The following STK38L variants were observed in gnomAD, a reference collection of about 807,000 sequenced individuals.
STK38L encodes the protein serine/threonine-protein kinase 38-like.
A neutral mutation model predicts 59.7 loss-of-function variants in STK38L; 28 were observed. The observed-to-expected ratio is 0.47, with a 90% CI of 0.35 to 0.64. The LOEUF (loss-of-function observed/expected upper bound fraction) is 0.64, where lower values mean the gene tolerates loss of function less well. Ranked by LOEUF, STK38L falls within the 30% of genes least tolerant of loss-of-function variation. The probability of loss-of-function intolerance (pLI) is 0.01; values close to 1 mark genes in which losing one functional copy is unlikely to be tolerated. For missense variants in STK38L, 314 were observed against 555.8 expected (o/e 0.56, Z 4.37); for synonymous variants, 162 against 176.8 (o/e 0.92, Z 0.66).
Position 27,324,224 on chromosome 12 carries a change from T to G in STK38L, c.*1769T>G, listed in dbSNP as rs913641831. 8.8e-6 allele frequency: 1 copy of G among 113,426 alleles called. No homozygotes were observed. Among genetic ancestry groups the G allele is most frequent in the African/African-American group, 3.6e-5 (1 of 28,144 alleles). 7.0% of individuals were successfully genotyped at this position (113,426 alleles called of 1,614,324 possible). ...ATTTTTCTAGTCTGGATTTTTTGAGTATTTAGGAAAGAGAGCTATTAAAAA... is the reference window on the plus strand; with the variant it reads ...ATTTTTCTAGTCTGGATTTTTTGAGGATTTAGGAAAGAGAGCTATTAAAAA... On this transcript the variant is annotated 3_prime_UTR_variant, in exon 14 of 14. Transcript: ENST00000389032.
At chr12:27,295,452 C>A (rs1462194087) in intron 1 of STK38L, among the ~76,000 whole-genome samples, 1 of 152,148 alleles carries the variant, frequency 6.6e-6, no homozygotes, top group Non-Finnish European at 1.5e-5. Flanking sequence ...TGACTTCTAC[C>A]TTCTGTAATT....
In STK38L at chr12:27,287,467, T is replaced by A. The variant is rs1355208597; in HGVS notation, c.-11-10243T>A. Among the ~76,000 whole-genome samples, 6 of 152,330 alleles carry A rather than the reference T, an allele frequency of 3.9e-5. No homozygotes were observed. In the East Asian group the frequency reaches 1.2e-3, roughly 29 times the overall value. On this transcript the variant is annotated intron_variant, in intron 1 of 13. Coordinates refer to ENST00000389032, the MANE Select transcript of STK38L (RefSeq NM_015000.4). ...AGTGTTTTTCTCCAAATTATTCTTT[T>A]AATCTTGTTTGATATACAGTATATA... is the stretch of plus-strand genomic sequence containing the variant.
chr12:27,275,033 T>C (rs941390245), intron 1 of STK38L, among the ~76,000 whole-genome samples: 3 of 152,292 alleles, frequency 2.0e-5, no homozygotes, highest in Non-Finnish European at 2.9e-5. Flanking sequence ...ACAATCTAAA[T>C]TGTAAATTGG....
rs543533353 is a variant in STK38L, at chr12:27,278,009, A to T, written c.-11-19701A>T. On this transcript the variant is annotated intron_variant, in intron 1 of 13. Coordinates refer to ENST00000389032, the MANE Select transcript of STK38L (RefSeq NM_015000.4). ...GGAGGAGGGACTTTTCAGGTCATGT[A>T]TAAGGAGAGTAGGATCAGATTCTGG... Among the ~76,000 whole-genome samples, 7 of 152,326 alleles carry T rather than the reference A, an allele frequency of 4.6e-5. No homozygotes were observed. In the East Asian group the frequency reaches 1.2e-3, roughly 25 times the overall value.
At chr12:27,310,820 A>C (rs1216290706) in intron 5 of STK38L, among the ~76,000 whole-genome samples, 1 of 152,070 alleles carries the variant, frequency 6.6e-6, no homozygotes, top group African/African-American at 2.4e-5. Context: ...GGGGGCGGAA[A>C]TCTCTCCGTA....
chr12:27,265,061 G>T (rs1187816989), intron 1 of STK38L, among the ~76,000 whole-genome samples: 1 of 152,144 alleles, frequency 6.6e-6, no homozygotes, highest in African/African-American at 2.4e-5. Context: ...TTCTTAGTAT[G>T]CATGTTGACT....
chr12:27,257,191 C>A (rs1274550309), intron 1 of STK38L, among the ~76,000 whole-genome samples: 1 of 152,218 alleles, frequency 6.6e-6, no homozygotes, highest in African/African-American at 2.4e-5. Context: ...TGAGCACACT[C>A]TCATCACTAT....
In STK38L at chr12:27,325,386, G is replaced by A. The variant is rs896300946; in HGVS notation, c.*2931G>A. On this transcript the variant is annotated 3_prime_UTR_variant, in exon 14 of 14. Transcript: ENST00000389032. Reference sequence around the variant, plus strand: ...AATCTCTAAATTTAAAATATTTTAAGTACATTTATTTTTGGTGTTTTATTG... The same window carrying A: ...AATCTCTAAATTTAAAATATTTTAAATACATTTATTTTTGGTGTTTTATTG... The A allele has an allele frequency of 6.6e-6, 1 of 152,012 alleles. No homozygotes were observed. The highest frequency in any genetic ancestry group is 2.4e-5 in the African/African-American group (1 of 41,386). The allele number at this position is 152,012 out of a possible 1,614,324, so 9.4% of individuals were successfully genotyped here.
chr12:27,290,368 A>T (rs756525192), intron 1 of STK38L, among the ~76,000 whole-genome samples: 3 of 152,238 alleles, frequency 2.0e-5, no homozygotes, highest in Non-Finnish European at 4.4e-5. Flanking sequence ...TCAAAGCGTC[A>T]TATCAACCTT....
At chr12:27,299,630 A>G (rs1032062312) in intron 2 of STK38L, among the ~76,000 whole-genome samples, 1 of 152,202 alleles carries the variant, frequency 6.6e-6, no homozygotes, top group Non-Finnish European at 1.5e-5. Flanking sequence ...AATTCAGGAA[A>G]GAAGTAATTA....
At chr12:27,302,227 C>T in intron 3 of STK38L, 39 bp downstream of exon 3, 1 of 1,458,006 alleles carries the variant, frequency 6.9e-7, no homozygotes. Flanking sequence ...AAAAGCACCC[C>T]CAGTGACTTT....
chr12:27,281,086 T>G (rs1486555394), intron 1 of STK38L, among the ~76,000 whole-genome samples: 1 of 8,962 alleles, frequency 1.1e-4, no homozygotes, highest in African/African-American at 4.9e-4. Context: ...TTTTTTTTTT[T>G]TTTTTTTTTT....
At chr12:27,252,826 G>A (rs1372688728) in intron 1 of STK38L, among the ~76,000 whole-genome samples, 1 of 152,122 alleles carries the variant, frequency 6.6e-6, no homozygotes, top group Non-Finnish European at 1.5e-5. Flanking sequence ...ATTTTAGTGA[G>A]GTTAATCATC....
chr12:27,308,263 C>T lies in STK38L; in HGVS notation c.187-76C>T. On this transcript the variant is annotated intron_variant, in intron 3 of 13. Coordinates refer to ENST00000389032, the MANE Select transcript of STK38L (RefSeq NM_015000.4). The surrounding 1 kb of genome is among the most constrained non-coding windows in gnomAD (Gnocchi z 4.5). ...TGCTATCATTTATTTTTACGTGTAT[C>T]ATCTTTTAATACTAGAAGCTCCATC... 8 of 1,320,538 alleles carry T rather than the reference C, an allele frequency of 6.1e-6. No homozygotes were observed. Among genetic ancestry groups the T allele is most frequent in the Non-Finnish European group, 8.0e-6 (8 of 998,476 alleles). 81.8% of individuals were successfully genotyped at this position (1,320,538 alleles called of 1,614,324 possible).
intron 1 of STK38L, among the ~76,000 whole-genome samples, chr12:27,248,844 A>G (rs185535790): frequency 6.6e-6 from 1 of 152,356 alleles, no homozygotes; most frequent in Non-Finnish European, 1.5e-5. Flanking sequence ...ATGGCAAAAC[A>G]AATTTTAAAA....
intron 1 of STK38L, among the ~76,000 whole-genome samples, chr12:27,280,449 C>T (rs1038319482): frequency 6.6e-6 from 1 of 152,142 alleles, no homozygotes; most frequent in African/African-American, 2.4e-5. Flanking sequence ...GATGTAAGAA[C>T]GCTCTGATTG....
chr12:27,292,535 A>G (rs563123817), intron 1 of STK38L, among the ~76,000 whole-genome samples: 1 of 152,348 alleles, frequency 6.6e-6, no homozygotes, highest in South Asian at 2.1e-4. Flanking sequence ...CTTAACCCAA[A>G]TGAAATTATT....
intron 1 of STK38L, among the ~76,000 whole-genome samples, chr12:27,262,839 C>T (rs1292988752): frequency 9.0e-5 from 13 of 144,290 alleles, no homozygotes; most frequent in Non-Finnish European, 3.0e-5. Flanking sequence ...TACTCTGTTG[C>T]CCAGGCTGGA....
chr12:27,297,955 T>C, intron 2 of STK38L, 101 bp downstream of exon 2: 1 of 1,413,054 alleles, frequency 7.1e-7, no homozygotes, highest in Non-Finnish European at 9.7e-7. Context: ...ATATTATGGA[T>C]CCCTGCATGC....
Sources: allele counts gnomAD v4.1 joint callset (sites outside exome capture counted in the v4.1 genomes callset), GRCh38; gene constraint gnomAD v4.1.1; non-coding constraint Gnocchi (gnomAD v3.1); transcripts MANE v1.5; gene names NCBI Gene and HGNC (gene_info 2026-07-23, HGNC 2026-07-21).